The following AKAP13 variants were observed in gnomAD, a reference collection of about 807,000 sequenced individuals.
The protein encoded by AKAP13 is A-kinase anchor protein 13.
In AKAP13, 80 loss-of-function variants were observed where a neutral mutation model predicts 264.5. The ratio of observed to expected loss-of-function variants is 0.30; its 90% CI spans 0.25 to 0.36. The LOEUF (loss-of-function observed/expected upper bound fraction) is 0.36. Ranked by LOEUF, AKAP13 falls within the 10% of genes least tolerant of loss-of-function variation. The pLI is 1.00. For missense variants in AKAP13, 3,712 were observed against 3,435.2 expected, an observed-to-expected ratio of 1.08 and a Z score of -2.01; for synonymous variants, 1,380 against 1,250.2, an observed-to-expected ratio of 1.10 and a Z score of -2.19.
At chr15:85,743,869 G>A (rs1297204688) in intron 36 of AKAP13, 44 bp downstream of exon 36, 1 of 1,556,684 alleles carries the variant, frequency 6.4e-7, no homozygotes, top group Non-Finnish European at 8.7e-7. Flanking sequence ...TAGTGTCTGT[G>A]CATTCTGAGA....
At chr15:85,511,683 C>A (rs1361500469) in intron 2 of AKAP13, among the ~76,000 whole-genome samples, 1 of 152,104 alleles carries the variant, frequency 6.6e-6, no homozygotes, top group Non-Finnish European at 1.5e-5. Flanking sequence ...GGCTGGAGTG[C>A]AGTGGTGTGA....
chr15:85,635,588 T>C (rs531828248), intron 8 of AKAP13, among the ~76,000 whole-genome samples: 1 of 152,286 alleles, frequency 6.6e-6, no homozygotes, highest in Admixed American at 6.5e-5. Context: ...ATCCTTTTTT[T>C]TCATGTTTTA....
At chr15:85,688,811 T>C (rs1035600815) in intron 16 of AKAP13, among the ~76,000 whole-genome samples, 7 of 152,232 alleles carry the variant, frequency 4.6e-5, no homozygotes, top group Non-Finnish European at 8.8e-5. Context: ...ATATTGAATG[T>C]GTTTGTGGAA....
At chr15:85,475,367 A>G (rs1417727092) in intron 1 of AKAP13, among the ~76,000 whole-genome samples, 2 of 152,142 alleles carry the variant, frequency 1.3e-5, no homozygotes. Context: ...AGCTGGTGGC[A>G]AAATTCTCAC....
chr15:85,433,758 A>G (rs1467466612), intron 1 of AKAP13, among the ~76,000 whole-genome samples: 1 of 152,046 alleles, frequency 6.6e-6, no homozygotes, highest in Non-Finnish European at 1.5e-5. Context: ...CCTGACCAAC[A>G]TGGTGAAACC....
intron 1 of AKAP13, among the ~76,000 whole-genome samples, chr15:85,411,573 G>T (rs2071968918): frequency 1.3e-5 from 2 of 152,062 alleles, no homozygotes; most frequent in South Asian, 4.2e-4. Flanking sequence ...GAGTAGCTGG[G>T]ACTACAGGCG....
intron 2 of AKAP13, among the ~76,000 whole-genome samples, chr15:85,516,988 A>G (rs1016960854): frequency 2.6e-5 from 4 of 152,230 alleles, no homozygotes; most frequent in African/African-American, 9.7e-5. Context: ...CAGTTTACTT[A>G]GTTATAAGCC....
At chr15:85,414,491 A>G (rs1194765166) in intron 1 of AKAP13, among the ~76,000 whole-genome samples, 1 of 152,174 alleles carries the variant, frequency 6.6e-6, no homozygotes, top group Admixed American at 6.5e-5. Context: ...CACAAAAATG[A>G]GGGGTAGTGA....
At chr15:85,721,901 G>A in intron 23 of AKAP13, 90 bp from the exon 24 acceptor site, 1 of 1,561,710 alleles carries the variant, frequency 6.4e-7, no homozygotes. Flanking sequence ...AAGCGCTCTT[G>A]ACTTTTACAA....
chr15:85,487,233 A>G (rs1000055743), intron 2 of AKAP13, among the ~76,000 whole-genome samples: 2 of 152,048 alleles, frequency 1.3e-5, no homozygotes, highest in African/African-American at 2.4e-5. Context: ...TTCCTTTCCA[A>G]TCTGGATGCG....
intron 5 of AKAP13, among the ~76,000 whole-genome samples, chr15:85,544,467 G>T (rs189268192): frequency 6.6e-6 from 1 of 152,310 alleles, no homozygotes; most frequent in African/African-American, 2.4e-5. Context: ...TTTGAGAGCA[G>T]TGGTTTCTTC....
intron 8 of AKAP13, among the ~76,000 whole-genome samples, chr15:85,613,691 A>AAAAAAATATAT (rs1313187436): frequency 2.2e-5 from 2 of 91,968 alleles, no homozygotes; most frequent in Non-Finnish European, 4.4e-5. Flanking sequence ...AAAAAAAAAA[A>AAAAAAATATAT]ATATATATAT....
intron 5 of AKAP13, among the ~76,000 whole-genome samples, chr15:85,561,118 C>G (rs575687322): frequency 6.7e-6 from 1 of 148,362 alleles, no homozygotes; most frequent in South Asian, 2.1e-4. Flanking sequence ...AGTGCAACGG[C>G]GCAATCTCGG....
intron 1 of AKAP13, among the ~76,000 whole-genome samples, chr15:85,410,984 G>T (rs1210313631): frequency 4.0e-5 from 6 of 148,532 alleles, no homozygotes; most frequent in Non-Finnish European, 7.4e-5. Context: ...GTAATTGATG[G>T]ATCTTCATTG....
chr15:85,670,372 G>A (rs1382695119), intron 14 of AKAP13, among the ~76,000 whole-genome samples: 1 of 151,386 alleles, frequency 6.6e-6, no homozygotes, highest in African/African-American at 2.4e-5. Flanking sequence ...ATAGTATATG[G>A]GTACCATATA....
In AKAP13 at chr15:85,521,520, T is replaced by TCACTGTACGGTA. The variant is rs931331898; in HGVS notation, c.134_135insGGTACACTGTAC (p.Thr45_Ser46insValHisCysThr). On this transcript the variant is annotated inframe_insertion, in exon 3 of 37. Coordinates refer to ENST00000394518, the MANE Select transcript of AKAP13 (RefSeq NM_007200.5). ...TGGTATTTTTGGGTTCCACCCTCCG[T>TCACTGTACGGTA]CACTGTACAAGTACTCGGAAGGTCA... 1 of 1,614,068 alleles carries TCACTGTACGGTA rather than the reference T, an allele frequency of 6.2e-7. No homozygotes were observed. The highest frequency in any genetic ancestry group is 1.3e-5 in the African/African-American group (1 of 74,924).
intron 1 of AKAP13, among the ~76,000 whole-genome samples, chr15:85,457,627 G>A (rs1419256556): frequency 3.3e-5 from 5 of 152,278 alleles, no homozygotes. Flanking sequence ...GGGTTGCATG[G>A]TAACAAACCA....
chr15:85,669,443 G>A (rs1234109224), intron 13 of AKAP13, among the ~76,000 whole-genome samples: 1 of 152,084 alleles, frequency 6.6e-6, no homozygotes. Flanking sequence ...TGCTATGAGG[G>A]ATACAGAACC....
At chr15:85,441,788 G>C (rs958422107) in intron 1 of AKAP13, among the ~76,000 whole-genome samples, 1 of 151,490 alleles carries the variant, frequency 6.6e-6, no homozygotes, top group East Asian at 1.9e-4. Context: ...CTGTTAAACT[G>C]TATTACTGCA....
Sources: allele counts gnomAD v4.1 joint callset (sites outside exome capture counted in the v4.1 genomes callset), GRCh38; gene constraint gnomAD v4.1.1; transcripts MANE v1.5; gene names NCBI Gene and HGNC (gene_info 2026-07-23, HGNC 2026-07-21).